The following KLK11 variants were observed in gnomAD, a reference collection of about 807,000 sequenced individuals.
The protein encoded by KLK11 is kallikrein-11.
Under a neutral mutation model 23.4 loss-of-function variants are expected in KLK11, and 10 were observed. The observed-to-expected ratio is 0.43, with a 90% CI of 0.26 to 0.73. The LOEUF (loss-of-function observed/expected upper bound fraction) is 0.73, where lower values mean the gene tolerates loss of function less well. Among genes scored for constraint, KLK11 ranks in the 30% least tolerant of loss-of-function variants. The pLI, the probability that KLK11 is intolerant of heterozygous loss-of-function variation, is 0.22. For synonymous variants in KLK11, 131 were observed against 131.7 expected (o/e 0.99, Z 0.03); for missense variants, 285 against 327.8 (o/e 0.87, Z 1.01).
upstream of KLK11, chr19:51,027,571 A>G (rs1263625660): frequency 1.9e-6 from 3 of 1,607,872 alleles, no homozygotes; most frequent in East Asian, 2.2e-5. Context: ...GTTTTCAGTT[A>G]GGTCCCTTCC....
Position 51,022,842 on chromosome 19 carries a change from G to C in KLK11, c.601-145C>G, listed in dbSNP as rs904620385. The C allele has an allele frequency of 1.2e-5, 12 of 1,004,592 alleles. No individual in the cohort carries two copies. The South Asian group carries it at 1.8e-4, about 15-fold the overall frequency. The allele number at this position is 1,004,592 out of a possible 1,614,324, so 62.2% of individuals were successfully genotyped here. ...GGTGATAGGTTTAGCGATAAAGCTG[G>C]GATTATGGGTGGGATAAAGGATGGG... On this transcript the variant is annotated intron_variant, in intron 5 of 5. Coordinates refer to ENST00000453757, the MANE Select transcript of KLK11 (RefSeq NM_001136032.3).
rs2091464928 is a variant in KLK11 at position 51,025,303 on chromosome 19, G to T, written c.40+289C>A. ...AAAAAAAGGAAATACTTCCATACTG[G>T]TTGGTCAGTAGCCCCTGTCCTGGGC... On this transcript the variant is annotated intron_variant, in intron 2 of 5. Transcript: ENST00000453757. This position sits in a 1 kb window ranked among gnomAD's most constrained non-coding sequence, Gnocchi z 6.2. Among the ~76,000 whole-genome samples the T allele has an allele frequency of 6.6e-6, 1 of 151,922 alleles. No homozygotes were observed. The highest frequency in any genetic ancestry group is 1.5e-5 in the Non-Finnish European group (1 of 67,996).
In KLK11 at chr19:51,024,360, G is replaced by A; in HGVS notation, c.198-50C>T. On this transcript the variant is annotated intron_variant, in intron 3 of 5. Transcript: ENST00000453757. This position sits in a 1 kb window ranked among gnomAD's most constrained non-coding sequence, Gnocchi z 6.2. ...GAGGAGGAAAGGTCGGGGGAGACAT[G>A]GGTGGGAGAGGTGAGTGACACCTTT... 6.3e-7 allele frequency: 1 copy of A among 1,592,228 alleles called. No homozygotes were observed. Among genetic ancestry groups the A allele is most frequent in the South Asian group, 1.1e-5 (1 of 90,282 alleles).
chr19:51,022,979 T>A, intron 5 of KLK11, 113 bp downstream of exon 5: 2 of 1,177,732 alleles, frequency 1.7e-6, no homozygotes, highest in Admixed American at 4.2e-5. Context: ...AAGAGATGGA[T>A]TGGGAGTTGC....
chr19:51,027,694 T>C (rs2091506789), upstream of KLK11: 6 of 620,182 alleles, frequency 9.7e-6, no homozygotes, highest in Admixed American at 2.7e-5. Context: ...CTCTTCCTAC[T>C]ACTATGACTA....
chr19:51,022,750 A>T (rs2091420281), intron 5 of KLK11, 53 bp from the exon 6 acceptor site: 1 of 1,604,080 alleles, frequency 6.2e-7, no homozygotes, highest in East Asian at 2.2e-5. Context: ...GCATGGTGTT[A>T]GCCAGGGAGG....
At chr19:51,022,819 T>A in intron 5 of KLK11, 122 bp from the exon 6 acceptor site, 1 of 1,150,172 alleles carries the variant, frequency 8.7e-7, no homozygotes, top group Non-Finnish European at 1.3e-6. Flanking sequence ...CTGGGAAAGG[T>A]GATAGGTTTA....
upstream of KLK11, chr19:51,027,227 G>C (rs973276597): frequency 1.0e-4 from 54 of 541,376 alleles, no homozygotes; most frequent in Admixed American, 1.2e-3. Flanking sequence ...GCAAGGAGAG[G>C]GGGGGTGTGC....
chr19:51,022,723 G>C, intron 5 of KLK11, 26 bp from the exon 6 acceptor site: 1 of 1,612,258 alleles, frequency 6.2e-7, no homozygotes, highest in South Asian at 1.1e-5. Flanking sequence ...GAGAATGTCG[G>C]TCAGAGAAAG....
In KLK11 at chr19:51,023,181, G is replaced by A; in HGVS notation, c.511C>T (p.His171Tyr). 1 of 1,613,806 alleles carries A rather than the reference G, an allele frequency of 6.2e-7. No homozygotes were observed. The highest frequency in any genetic ancestry group is 1.1e-5 in the South Asian group (1 of 90,998). ...GGGTAGGCGTTCTCACACTTCTGGT[G>A]CTCAATGATGGTGATGTTGGCGCAT... ...LRCANITIIE[H>Y]QKCENAYPGN... The change falls in exon 5 of 6, where the codon CAC becomes TAC. Residue 171 changes from histidine (H) to tyrosine (Y), a missense_variant. By Grantham distance (83) the His-to-Tyr change is moderately conservative (BLOSUM62 2). Coordinates refer to ENST00000453757, the MANE Select transcript of KLK11 (RefSeq NM_001136032.3).
rs1000852292 is a variant in KLK11 at position 51,022,438 on chromosome 19, G to A, written c.*107C>T. ...TCTCCTGTAGTCCAGGAGGCCCAAA[G>A]AATGTTCGTAGAGGGTCTTGGCTTA... On this transcript the variant is annotated 3_prime_UTR_variant, in exon 6 of 6. Transcript: ENST00000453757. 7.3e-7 allele frequency: 1 copy of A among 1,377,060 alleles called. No individual in the cohort carries two copies. The highest frequency in any genetic ancestry group is 1.0e-6 in the Non-Finnish European group (1 of 971,570). The allele number at this position is 1,377,060 out of a possible 1,614,324, so 85.3% of individuals were successfully genotyped here. A position where few individuals can be genotyped will look rare whatever the true frequency, so the allele number is the denominator to read the frequency against.
chr19:51,023,247 G>A lies in KLK11; in HGVS notation c.464-19C>T, dbSNP rs753375932. 8.1e-6 allele frequency: 13 copies of A among 1,609,666 alleles called. No homozygotes were observed. Among genetic ancestry groups the A allele is most frequent in the Non-Finnish European group, 1.1e-5 (13 of 1,178,814 alleles). Reference sequence around the variant, plus strand: ...AGGCGTACTGTGGAAACAGCGTGAGGGGCTGTGGGAATGAGCCCCCTGCCA... The same window carrying A: ...AGGCGTACTGTGGAAACAGCGTGAGAGGCTGTGGGAATGAGCCCCCTGCCA... On this transcript the variant is annotated intron_variant, in intron 4 of 5. Coordinates refer to ENST00000453757, the MANE Select transcript of KLK11 (RefSeq NM_001136032.3).
Position 51,024,511 on chromosome 19 carries a change from A to C in KLK11, c.197+127T>G. On this transcript the variant is annotated intron_variant, in intron 3 of 5. Coordinates refer to ENST00000453757, the MANE Select transcript of KLK11 (RefSeq NM_001136032.3). The surrounding 1 kb of genome is among the most constrained non-coding windows in gnomAD (Gnocchi z 6.2). Reference sequence around the variant, plus strand: ...CCTTCAATACCAACTCGAGCCCATCAACCTTGCTGACACTACCCATCCCCA... The same window carrying C: ...CCTTCAATACCAACTCGAGCCCATCCACCTTGCTGACACTACCCATCCCCA... 8.0e-7 allele frequency: 1 copy of C among 1,247,950 alleles called. No homozygotes were observed. The highest frequency in any genetic ancestry group is 1.6e-5 in the South Asian group (1 of 64,174). The allele number at this position is 1,247,950 out of a possible 1,614,324, so 77.3% of individuals were successfully genotyped here.
chr19:51,025,587 C>A lies in KLK11; in HGVS notation c.40+5G>T, dbSNP rs759534396. ...GATCCTGCCCTGCCCCCATCCCCTGCGTACCTGTTGCCAGAGCAAGCAGGA... is the reference window on the plus strand; with the variant it reads ...GATCCTGCCCTGCCCCCATCCCCTGAGTACCTGTTGCCAGAGCAAGCAGGA... On this transcript the variant is annotated splice_donor_5th_base_variant and intron_variant, in intron 2 of 5. Coordinates refer to ENST00000453757, the MANE Select transcript of KLK11 (RefSeq NM_001136032.3). This position sits in a 1 kb window ranked among gnomAD's most constrained non-coding sequence, Gnocchi z 6.2. The A allele has an allele frequency of 6.4e-7, 1 of 1,568,552 alleles. No individual in the cohort carries two copies.
chr19:51,027,769 G>A, upstream of KLK11: 1 of 466,542 alleles, frequency 2.1e-6, no homozygotes, highest in Non-Finnish European at 3.8e-6. Flanking sequence ...CTGAGAGATG[G>A]GGGTGACAGA....
At chr19:51,023,362 T>A in intron 4 of KLK11, 134 bp from the exon 5 acceptor site, 1 of 983,828 alleles carries the variant, frequency 1.0e-6, no homozygotes, top group Non-Finnish European at 1.5e-6. Context: ...CTTGTAACAA[T>A]AGCAACAGCA....
rs1424350059 is a variant in KLK11, at chr19:51,022,414, C to T, written c.*131G>A. The stretch of plus-strand genomic sequence containing the variant: ...CAGGTTGATTATTAAGTGACAGCAT[C>T]TCCTGTAGTCCAGGAGGCCCAAAGA... On this transcript the variant is annotated 3_prime_UTR_variant, in exon 6 of 6. Coordinates refer to ENST00000453757, the MANE Select transcript of KLK11 (RefSeq NM_001136032.3). 2.9e-6 allele frequency: 3 copies of T among 1,023,282 alleles called. No homozygotes were observed. The highest frequency in any genetic ancestry group is 4.5e-6 in the Non-Finnish European group (3 of 667,584). 63.4% of individuals were successfully genotyped at this position (1,023,282 alleles called of 1,614,324 possible). A position where few individuals can be genotyped will look rare whatever the true frequency, so the allele number is the denominator to read the frequency against.
chr19:51,024,409 C>T lies in KLK11; in HGVS notation c.198-99G>A. 6.6e-7 allele frequency: 1 copy of T among 1,520,584 alleles called. No homozygotes were observed. Among genetic ancestry groups the T allele is most frequent in the Non-Finnish European group, 8.9e-7 (1 of 1,128,560 alleles). The allele number at this position is 1,520,584 out of a possible 1,614,324, so 94.2% of individuals were successfully genotyped here. On this transcript the variant is annotated intron_variant, in intron 3 of 5. Transcript: ENST00000453757. The surrounding 1 kb of genome is among the most constrained non-coding windows in gnomAD (Gnocchi z 6.2). ...TTGAGGATGAAGAAACATCGCTCTG[C>T]TTCCAACCTCTTCCACGTCTCCCAC...
At chr19:51,022,992 G>C in intron 5 of KLK11, 100 bp downstream of exon 5, 1 of 1,319,320 alleles carries the variant, frequency 7.6e-7, no homozygotes, top group South Asian at 1.4e-5. Context: ...GGAGTTGCAG[G>C]GGTCGGCGGG....
Sources: gnomAD v4.1 joint callset for allele counts (sites outside exome capture counted in the v4.1 genomes callset) on GRCh38, gnomAD v4.1.1 for gene constraint, Gnocchi (gnomAD v3.1) non-coding constraint, MANE v1.5 for transcripts, NCBI Gene and HGNC (gene_info 2026-07-23, HGNC 2026-07-21) for gene names.